Variants in CDH1 observed in about 807,000 individuals in gnomAD.
The protein encoded by CDH1 is cadherin-1.
CDH1 carries 35 observed loss-of-function variants against 84.5 expected under a neutral mutation model. The ratio of observed to expected loss-of-function variants is 0.41; its 90% CI spans 0.32 to 0.55. The LOEUF (loss-of-function observed/expected upper bound fraction) is 0.55. Among genes scored for constraint, CDH1 ranks in the 20% least tolerant of loss-of-function variants. CDH1 has a pLI of 0.19. For missense variants in CDH1, 994 were observed against 1,126.6 expected (o/e 0.88, Z 1.68); for synonymous variants, 417 against 439.0 (o/e 0.95, Z 0.63).
Position 68,833,759 on chromosome 16 carries a change from C to A in CDH1, c.*260C>A. ...ACATGGTGGTGATGTCCAAAAGATA[C>A]CCAAATTTTAATATTCCAGAAGAAC... On this transcript the variant is annotated 3_prime_UTR_variant, in exon 16 of 16. Coordinates refer to ENST00000261769, the MANE Select transcript of CDH1 (RefSeq NM_004360.5). The A allele has an allele frequency of 2.0e-6, 1 of 495,602 alleles. No homozygotes were observed. The highest frequency in any genetic ancestry group is 3.7e-6 in the Non-Finnish European group (1 of 273,926). 30.7% of individuals were successfully genotyped at this position (495,602 alleles called of 1,614,324 possible).
At chr16:68,801,942 C>G (rs2152127150) in intron 3 of CDH1, 49 bp downstream of exon 3, 7 of 1,456,916 alleles carry the variant, frequency 4.8e-6, no homozygotes, top group Non-Finnish European at 6.7e-6. Flanking sequence ...AGTGCGCTGT[C>G]TAATCCAGGT....
intron 2 of CDH1, among the ~76,000 whole-genome samples, chr16:68,774,418 G>A (rs1357631657): frequency 6.6e-6 from 1 of 152,074 alleles, no homozygotes; most frequent in African/African-American, 2.4e-5. Context: ...TGCTCAGGAG[G>A]CCAAGATAGG....
intron 10 of CDH1, 147 bp downstream of exon 10, chr16:68,815,906 G>A (rs1476131803): frequency 9.9e-7 from 1 of 1,014,148 alleles, no homozygotes; most frequent in East Asian, 2.6e-5. Context: ...CCCTTTATCT[G>A]TGCTCCTTTC....
intron 2 of CDH1, among the ~76,000 whole-genome samples, chr16:68,772,701 G>A (rs891331186): frequency 6.6e-6 from 1 of 152,158 alleles, no homozygotes; most frequent in Non-Finnish European, 1.5e-5. Flanking sequence ...TTGGGAGGCC[G>A]AGGCAGGTGG....
chr16:68,825,588 G>T (rs1961299416), intron 13 of CDH1, among the ~76,000 whole-genome samples: 1 of 152,134 alleles, frequency 6.6e-6, no homozygotes, highest in Non-Finnish European at 1.5e-5. Context: ...TGAAGAAAAG[G>T]ATAGTGCTGT....
At chr16:68,745,609 GTATA>G (rs111616614) in intron 2 of CDH1, among the ~76,000 whole-genome samples, 3,953 of 122,190 alleles carry the variant, frequency 0.032, 229 homozygotes, top group African/African-American at 0.12. Context: ...ATATGTATGT[GTATA>G]TATATATATA....
rs876660560 is a variant in CDH1, at chr16:68,823,533, G to A, written c.2071G>A (p.Ala691Thr). The A allele has an allele frequency of 3.1e-6, 5 of 1,614,034 alleles. No individual in the cohort carries two copies. The East Asian group carries it at 1.1e-4, about 36-fold the overall frequency. Residue 691 changes from alanine to threonine, a missense_variant, in exon 13 of 16, where the codon GCC (alanine) becomes ACC (threonine). Coordinates refer to ENST00000261769, the MANE Select transcript of CDH1 (RefSeq NM_004360.5). ...LEVSVCDCEG[A>T]AGVCRKAQPV... is the part of the protein sequence containing the mutation. ...GGTCAGCGTGTGTGACTGTGAAGGG[G>A]CCGCTGGCGTCTGTAGGAAGGCACA...
intron 2 of CDH1, among the ~76,000 whole-genome samples, chr16:68,785,676 A>C (rs1482412840): frequency 6.6e-6 from 1 of 151,990 alleles, no homozygotes; most frequent in Non-Finnish European, 1.5e-5. Context: ...ACTGCTTTGC[A>C]CTTGCTTTTA....
chr16:68,780,716 G>C (rs569382889), intron 2 of CDH1, among the ~76,000 whole-genome samples: 3 of 152,308 alleles, frequency 2.0e-5, no homozygotes, highest in African/African-American at 7.2e-5. Context: ...AACTTCATGC[G>C]TCTTCAAAGC....
At chr16:68,769,336 C>A (rs1405392899) in intron 2 of CDH1, among the ~76,000 whole-genome samples, 1 of 152,118 alleles carries the variant, frequency 6.6e-6, no homozygotes, top group East Asian at 1.9e-4. Context: ...CAAAATCATG[C>A]TCTTGCTCTT....
chr16:68,815,284 A>G (rs1242499651), intron 9 of CDH1, among the ~76,000 whole-genome samples: 3 of 152,112 alleles, frequency 2.0e-5, no homozygotes, highest in Non-Finnish European at 4.4e-5. Context: ...TGTTGAAGTG[A>G]CTGGATCCCT....
intron 11 of CDH1, among the ~76,000 whole-genome samples, chr16:68,821,482 A>AG (rs1165020241): frequency 6.6e-6 from 1 of 151,902 alleles, no homozygotes; most frequent in East Asian, 1.9e-4. Flanking sequence ...AAAAAAAAAA[A>AG]AAAGCGTATG....
Position 68,828,236 on chromosome 16 carries a change from C to A in CDH1, c.2227C>A (p.Pro743Thr), listed in dbSNP as rs786203005. 1.2e-6 allele frequency: 2 copies of A among 1,613,760 alleles called. No homozygotes were observed. Among genetic ancestry groups the A allele is most frequent in the Middle Eastern group, 1.7e-4 (1 of 6,058 alleles). Reference sequence around the variant, plus strand: ...AGCGGTGGTCAAAGAGCCCTTACTGCCCCCAGAGGATGACACCCGGGACAA... The same window carrying A: ...AGCGGTGGTCAAAGAGCCCTTACTGACCCCAGAGGATGACACCCGGGACAA... ...RRAVVKEPLL[P>T]PEDDTRDNVY... The change falls in exon 14 of 16, where the codon CCC (proline) becomes ACC (threonine). Residue 743 changes from proline (P) to threonine (T), a missense_variant. Coordinates refer to ENST00000261769, the MANE Select transcript of CDH1 (RefSeq NM_004360.5).
At chr16:68,813,963 G>A (rs1169902044) in intron 9 of CDH1, among the ~76,000 whole-genome samples, 3 of 152,068 alleles carry the variant, frequency 2.0e-5, no homozygotes, top group South Asian at 2.1e-4. Flanking sequence ...GAGGCCGGGC[G>A]TGGTGGCTCA....
chr16:68,795,836 G>A (rs1960343504), intron 2 of CDH1, among the ~76,000 whole-genome samples: 2 of 151,884 alleles, frequency 1.3e-5, no homozygotes, highest in African/African-American at 4.8e-5. Context: ...GTGTAACTGA[G>A]GCTGAGCTCT....
chr16:68,738,087 GC>G (rs1962447351), intron 1 of CDH1, among the ~76,000 whole-genome samples: 1 of 151,666 alleles, frequency 6.6e-6, no homozygotes, highest in South Asian at 2.1e-4. Context: ...TGACTCGGCG[GC>G]CCCCTCCCGG....
At chr16:68,775,065 G>A (rs1959690858) in intron 2 of CDH1, among the ~76,000 whole-genome samples, 2 of 151,116 alleles carry the variant, frequency 1.3e-5, no homozygotes, top group South Asian at 4.2e-4. Flanking sequence ...GGTCCAGGGT[G>A]CAATGAGCTA....
At chr16:68,780,655 G>A (rs547266352) in intron 2 of CDH1, among the ~76,000 whole-genome samples, 1 of 152,308 alleles carries the variant, frequency 6.6e-6, no homozygotes, top group South Asian at 2.1e-4. Context: ...AAAGGGCCTT[G>A]GAGTCAACCC....
chr16:68,750,017 G>A (rs1962847466), intron 2 of CDH1, among the ~76,000 whole-genome samples: 1 of 151,564 alleles, frequency 6.6e-6, no homozygotes, highest in East Asian at 1.9e-4. Flanking sequence ...TGCCCAGGCT[G>A]GAGTGCAGTG....
Sources: gnomAD v4.1 joint callset for allele counts (sites outside exome capture counted in the v4.1 genomes callset) on GRCh38, gnomAD v4.1.1 for gene constraint, MANE v1.5 for transcripts, NCBI Gene and HGNC (gene_info 2026-07-23, HGNC 2026-07-21) for gene names.